Variants in CACNA2D3 observed in about 807,000 individuals in gnomAD.
CACNA2D3 encodes the protein voltage-dependent calcium channel subunit alpha-2/delta-3.
Under a neutral mutation model 160.6 loss-of-function variants are expected in CACNA2D3, and 60 were observed. The observed-to-expected ratio is 0.37, with a 90% CI of 0.30 to 0.46. CACNA2D3 has a LOEUF of 0.46. Ranked by LOEUF, CACNA2D3 falls within the 20% of genes least tolerant of loss-of-function variation. CACNA2D3 has a pLI of 1.00. For synonymous variants in CACNA2D3, 558 were observed against 492.9 expected (o/e 1.13, Z -1.75); for missense variants, 1,205 against 1,365.0 (o/e 0.88, Z 1.85).
chr3:54,979,113 C>G (rs1208521880), intron 29 of CACNA2D3, among the ~76,000 whole-genome samples: 1 of 152,114 alleles, frequency 6.6e-6, no homozygotes, highest in Non-Finnish European at 1.5e-5. Flanking sequence ...GGTTTGTACC[C>G]CAGATATCTA....
chr3:54,628,680 T>A (rs910314590), intron 10 of CACNA2D3, among the ~76,000 whole-genome samples: 1 of 152,118 alleles, frequency 6.6e-6, no homozygotes, highest in African/African-American at 2.4e-5. Flanking sequence ...CCACTCTAGG[T>A]ATTTTAAATA....
At chr3:54,233,502 A>C (rs1701817643) in intron 2 of CACNA2D3, among the ~76,000 whole-genome samples, 1 of 152,206 alleles carries the variant, frequency 6.6e-6, no homozygotes, top group African/African-American at 2.4e-5. Flanking sequence ...TATATTTTTA[A>C]AGGCTGCCCT....
At chr3:54,950,706 T>A (rs540660484) in intron 27 of CACNA2D3, among the ~76,000 whole-genome samples, 4 of 152,148 alleles carry the variant, frequency 2.6e-5, no homozygotes, top group Non-Finnish European at 5.9e-5. Flanking sequence ...ACCCGTTCTT[T>A]TACTGCTCGG....
intron 5 of CACNA2D3, among the ~76,000 whole-genome samples, chr3:54,535,377 A>G (rs1328857019): frequency 6.6e-6 from 1 of 152,256 alleles, no homozygotes; most frequent in Non-Finnish European, 1.5e-5. Context: ...ATAAGCAAAT[A>G]TTCAGTGTCC....
chr3:54,797,613 A>T (rs1402184408), intron 13 of CACNA2D3, among the ~76,000 whole-genome samples: 1 of 152,132 alleles, frequency 6.6e-6, no homozygotes, highest in Non-Finnish European at 1.5e-5. Context: ...GTTCTTTTTG[A>T]ACTTTTTTAA....
At chr3:54,633,517 G>A (rs1445737299) in intron 10 of CACNA2D3, 1 of 152,102 alleles carries the variant, frequency 6.6e-6, no homozygotes, top group Non-Finnish European at 1.5e-5. Flanking sequence ...AGGGAAAAAA[G>A]GGAAACAGGT....
At chr3:54,364,341 G>A (rs939682308) in intron 3 of CACNA2D3, among the ~76,000 whole-genome samples, 3 of 152,068 alleles carry the variant, frequency 2.0e-5, no homozygotes, top group Non-Finnish European at 2.9e-5. Context: ...CTCTCCCTTC[G>A]GAATAGAAAG....
At chr3:54,253,560 A>C (rs1014937364) in intron 2 of CACNA2D3, among the ~76,000 whole-genome samples, 1 of 152,102 alleles carries the variant, frequency 6.6e-6, no homozygotes, top group African/African-American at 2.4e-5. Context: ...GTCACCTTCC[A>C]CCAGGGCCCA....
chr3:54,822,796 TTTCTTTCTTTC>T (rs1703656383), intron 14 of CACNA2D3, among the ~76,000 whole-genome samples: 1 of 90,494 alleles, frequency 1.1e-5, no homozygotes, highest in African/African-American at 5.1e-5. Context: ...CTTTCCTTTC[TTTCTTTCTTTC>T]TTTCTTTCTT....
At chr3:54,432,086 A>G (rs190495669) in intron 4 of CACNA2D3, among the ~76,000 whole-genome samples, 132 of 152,264 alleles carry the variant, frequency 8.7e-4, no homozygotes, top group African/African-American at 3.1e-3. Context: ...AAAAATATAC[A>G]TGACTGTGTT....
chr3:55,040,336 A>T (rs1323815409), intron 35 of CACNA2D3, among the ~76,000 whole-genome samples: 8 of 152,204 alleles, frequency 5.3e-5, no homozygotes, highest in Admixed American at 5.2e-4. Flanking sequence ...CTTACACTAA[A>T]AATCTCACTT....
intron 3 of CACNA2D3, among the ~76,000 whole-genome samples, chr3:54,382,863 T>G (rs1699127043): frequency 6.6e-6 from 1 of 152,200 alleles, no homozygotes; most frequent in African/African-American, 2.4e-5. Context: ...ATTTTTATTT[T>G]TTGAGATAGG....
At chr3:54,197,846 C>T (rs1012703441) in intron 2 of CACNA2D3, among the ~76,000 whole-genome samples, 8 of 152,276 alleles carry the variant, frequency 5.3e-5, no homozygotes, top group Admixed American at 1.3e-4. Context: ...TTGAAGGCTA[C>T]GTCTGAAATT....
intron 13 of CACNA2D3, among the ~76,000 whole-genome samples, chr3:54,774,345 C>T (rs926722820): frequency 6.6e-6 from 1 of 152,060 alleles, no homozygotes; most frequent in Non-Finnish European, 1.5e-5. Flanking sequence ...TTACAATCAT[C>T]GTGGAAGGCA....
intron 10 of CACNA2D3, chr3:54,638,477 G>A (rs925404401): frequency 6.6e-6 from 1 of 151,950 alleles, no homozygotes; most frequent in African/African-American, 2.4e-5. Flanking sequence ...AAAGATTATA[G>A]GGTGGAGGAG....
At chr3:54,353,294 G>A (rs928781040) in intron 3 of CACNA2D3, among the ~76,000 whole-genome samples, 1 of 152,186 alleles carries the variant, frequency 6.6e-6, no homozygotes, top group Non-Finnish European at 1.5e-5. Flanking sequence ...AGATGGAAAC[G>A]TGAAATCCTT....
chr3:54,805,361 A>G (rs1029544258), intron 13 of CACNA2D3, among the ~76,000 whole-genome samples: 14 of 152,256 alleles, frequency 9.2e-5, no homozygotes, highest in Non-Finnish European at 2.9e-5. Flanking sequence ...AAAAAATGAT[A>G]AAGGGGATAT....
intron 14 of CACNA2D3, among the ~76,000 whole-genome samples, chr3:54,819,892 C>G (rs1169970029): frequency 6.6e-6 from 1 of 152,078 alleles, no homozygotes; most frequent in African/African-American, 2.4e-5. Flanking sequence ...ACTGACTGCA[C>G]CTTCTTCATG....
chr3:54,698,044 T>C (rs897287773), intron 11 of CACNA2D3, among the ~76,000 whole-genome samples: 1 of 152,238 alleles, frequency 6.6e-6, no homozygotes, highest in African/African-American at 2.4e-5. Context: ...TATTGTCATT[T>C]TTGCTGCTCT....
Sources: allele counts gnomAD v4.1 joint callset (sites outside exome capture counted in the v4.1 genomes callset), GRCh38; gene constraint gnomAD v4.1.1; transcripts MANE v1.5; gene names NCBI Gene and HGNC (gene_info 2026-07-23, HGNC 2026-07-21).